The following PSMB2 variants were observed in gnomAD, a reference collection of about 807,000 sequenced individuals.
PSMB2 encodes the protein proteasome subunit beta type-2.
In PSMB2, 13 loss-of-function variants were observed where a neutral mutation model predicts 25.7. The observed-to-expected ratio is 0.51, with a 90% CI of 0.33 to 0.80. PSMB2 has a LOEUF of 0.80. PSMB2 is among the 30% of genes least tolerant of loss of function. The pLI, the probability that PSMB2 is intolerant of heterozygous loss-of-function variation, is 0.02. For missense variants in PSMB2, 202 were observed against 259.0 expected, an observed-to-expected ratio of 0.78 and a Z score of 1.51; for synonymous variants, 87 against 96.2, an observed-to-expected ratio of 0.90 and a Z score of 0.56.
At chr1:35,606,261 G>A (rs1404781061) in intron 4 of PSMB2, among the ~76,000 whole-genome samples, 2 of 152,110 alleles carry the variant, frequency 1.3e-5, no homozygotes, top group African/African-American at 4.8e-5. Context: ...GAAGTCAAAT[G>A]TCCCTATTTG....
In PSMB2 at chr1:35,600,777, G is replaced by A. The variant is rs1649969180; in HGVS notation, c.*2490C>T. ...TTGCAGGCTTGCCTGAGATTGCCCT[G>A]GGGACACTTACATTCAAAGGCAGAG... On this transcript the variant is annotated 3_prime_UTR_variant, in exon 6 of 6. Coordinates refer to ENST00000373237, the MANE Select transcript of PSMB2 (RefSeq NM_002794.5). 1 of 985,388 alleles carries A rather than the reference G, an allele frequency of 1.0e-6. No homozygotes were observed. Among genetic ancestry groups the A allele is most frequent in the African/African-American group, 1.7e-5 (1 of 57,340 alleles). 61.0% of individuals were successfully genotyped at this position (985,388 alleles called of 1,614,324 possible).
intron 4 of PSMB2, among the ~76,000 whole-genome samples, chr1:35,606,218 G>C (rs778817724): frequency 6.6e-6 from 1 of 152,112 alleles, no homozygotes; most frequent in Non-Finnish European, 1.5e-5. Context: ...CTTAGGCAAG[G>C]GGAGGAAATA....
At chr1:35,617,726 T>G (rs1650538336) in intron 3 of PSMB2, among the ~76,000 whole-genome samples, 2 of 152,210 alleles carry the variant, frequency 1.3e-5, no homozygotes, top group African/African-American at 4.8e-5. Flanking sequence ...ATGGAATGTC[T>G]GGATACTGGT....
At chr1:35,617,898 C>A (rs907660578) in intron 3 of PSMB2, among the ~76,000 whole-genome samples, 1 of 152,184 alleles carries the variant, frequency 6.6e-6, no homozygotes, top group African/African-American at 2.4e-5. Flanking sequence ...TCTGCTGATC[C>A]AAGCCTTTTT....
intron 3 of PSMB2, among the ~76,000 whole-genome samples, chr1:35,613,033 C>T (rs543294363): frequency 1.6e-4 from 25 of 152,350 alleles, no homozygotes; most frequent in African/African-American, 5.3e-4. Context: ...AGGCATCTGA[C>T]GCACACATAT....
At position 35,601,593 on chromosome 1, in the gene PSMB2, C is replaced by T. The variant is rs1338051947; in HGVS notation, c.*1674G>A. The T allele has an allele frequency of 1.0e-6, 1 of 984,948 alleles. No homozygotes were observed. Among genetic ancestry groups the T allele is most frequent in the Non-Finnish European group, 1.2e-6 (1 of 829,688 alleles). 61.0% of individuals were successfully genotyped at this position (984,948 alleles called of 1,614,324 possible). ...ATAAGACACCCAAATCTAATGTTAA[C>T]CCAATACTTTAATATGAACGTTATG... On this transcript the variant is annotated 3_prime_UTR_variant, in exon 6 of 6. Coordinates refer to ENST00000373237, the MANE Select transcript of PSMB2 (RefSeq NM_002794.5).
chr1:35,603,001 G>A lies in PSMB2; in HGVS notation c.*266C>T, dbSNP rs1650049152. ...AGCCAAGCATGGAGTAGAACGTGGG[G>A]CCGTCAGCTGCTAAAGGGTACTGAG... On this transcript the variant is annotated 3_prime_UTR_variant, in exon 6 of 6. Coordinates refer to ENST00000373237, the MANE Select transcript of PSMB2 (RefSeq NM_002794.5). 1.8e-6 allele frequency: 2 copies of A among 1,142,076 alleles called. No homozygotes were observed. Among genetic ancestry groups the A allele is most frequent in the Non-Finnish European group, 2.2e-6 (2 of 928,192 alleles). The allele number at this position is 1,142,076 out of a possible 1,614,324, so 70.7% of individuals were successfully genotyped here. A position where few individuals can be genotyped will look rare whatever the true frequency, so the allele number is the denominator to read the frequency against.
Position 35,636,166 on chromosome 1 carries a change from G to A in PSMB2, c.214+144C>T, listed in dbSNP as rs975104030. 1.7e-5 allele frequency: 17 copies of A among 990,724 alleles called. No individual in the cohort carries two copies. The East Asian group carries it at 2.8e-4, about 16-fold the overall frequency. The allele number at this position is 990,724 out of a possible 1,614,324, so 61.4% of individuals were successfully genotyped here. A position where few individuals can be genotyped will look rare whatever the true frequency, so the allele number is the denominator to read the frequency against. On this transcript the variant is annotated intron_variant, in intron 2 of 5. Transcript: ENST00000373237. ...AAGGAGAGAGGCCTCAGAAATCAAC[G>A]CTGCCAACACCTTAATCTTTGACTT... is the stretch of plus-strand genomic sequence containing the variant.
rs1035028106 is a variant in PSMB2, at chr1:35,601,317, CGCCTCGGCGGGCG to C, written c.*1937_*1949del. ...AACTCCTGACCTCAGGTGATCCGCC[CGCCTCGGCGGGCG>C]GCCAAAGTGCTGGGATTACAGGCAT... On this transcript the variant is annotated 3_prime_UTR_variant, in exon 6 of 6. Coordinates refer to ENST00000373237, the MANE Select transcript of PSMB2 (RefSeq NM_002794.5). 15 of 943,750 alleles carry C rather than the reference CGCCTCGGCGGGCG, an allele frequency of 1.6e-5. No homozygotes were observed. The highest frequency in any genetic ancestry group is 1.9e-5 in the Non-Finnish European group (15 of 792,482). 58.5% of individuals were successfully genotyped at this position (943,750 alleles called of 1,614,324 possible).
chr1:35,641,121 CAA>C (rs1203411704), intron 1 of PSMB2, among the ~76,000 whole-genome samples: 1 of 152,138 alleles, frequency 6.6e-6, no homozygotes, highest in African/African-American at 2.4e-5. Context: ...ACCCGGGAGA[CAA>C]AGACTGTGCT....
rs938400878 is a variant in PSMB2, at chr1:35,600,599, C to T, written c.*2668G>A. On this transcript the variant is annotated 3_prime_UTR_variant, in exon 6 of 6. Coordinates refer to ENST00000373237, the MANE Select transcript of PSMB2 (RefSeq NM_002794.5). ...TCTCTAAGACAGAATGTCATAGAGG[C>T]GGTTTGGAGAGGGGCAGATGGTAAG... 1.7e-5 allele frequency: 17 copies of T among 985,180 alleles called. No individual in the cohort carries two copies. The Admixed American group carries it at 7.4e-4, about 43-fold the overall frequency. 61.0% of individuals were successfully genotyped at this position (985,180 alleles called of 1,614,324 possible).
At position 35,631,306 on chromosome 1, in the gene PSMB2, G is replaced by A. The variant is rs368316488; in HGVS notation, c.253C>T (p.Arg85Cys). ...CGAAGACAGTCAGCCAGGTTTCGGC[G>A]TGTGAAGTTAGCTGCTGCCGTGGGA... ...LSPTAAANFT[R>C]RNLADCLRSR... The change falls in exon 3 of 6, where the codon CGC (arginine) becomes TGC (cysteine). Residue 85 changes from arginine (R) to cysteine (C), a missense_variant. Transcript: ENST00000373237. The A allele has an allele frequency of 6.8e-6, 11 of 1,614,010 alleles. No individual in the cohort carries two copies. Among genetic ancestry groups the A allele is most frequent in the East Asian group, 4.5e-5 (2 of 44,898 alleles).
intron 3 of PSMB2, among the ~76,000 whole-genome samples, chr1:35,624,063 C>A (rs1650776172): frequency 6.6e-6 from 1 of 152,130 alleles, no homozygotes; most frequent in African/African-American, 2.4e-5. Flanking sequence ...ACTAACCAGA[C>A]CAAACAGCCT....
chr1:35,634,776 T>G (rs1651198464), intron 2 of PSMB2, among the ~76,000 whole-genome samples: 1 of 148,860 alleles, frequency 6.7e-6, no homozygotes, highest in South Asian at 2.1e-4. Context: ...GGTGTTGGGT[T>G]TTTTTTTTTT....
At chr1:35,632,284 G>C (rs1191515331) in intron 2 of PSMB2, among the ~76,000 whole-genome samples, 1 of 152,172 alleles carries the variant, frequency 6.6e-6, no homozygotes, top group Non-Finnish European at 1.5e-5. Flanking sequence ...ATAGCATCAG[G>C]TGTGCATGTA....
chr1:35,634,117 C>T (rs1340487243), intron 2 of PSMB2, among the ~76,000 whole-genome samples: 1 of 152,200 alleles, frequency 6.6e-6, no homozygotes, highest in Non-Finnish European at 1.5e-5. Flanking sequence ...TCACAAAATA[C>T]TTCACAAAAG....
At chr1:35,635,586 T>C (rs1571143034) in intron 2 of PSMB2, among the ~76,000 whole-genome samples, 1 of 151,842 alleles carries the variant, frequency 6.6e-6, no homozygotes, top group East Asian at 1.9e-4. Flanking sequence ...ATCCCAGCAC[T>C]TTGGGAGGCC....
chr1:35,641,193 AAAAT>A (rs1339274913), intron 1 of PSMB2, 145 bp downstream of exon 1: 87 of 1,082,848 alleles, frequency 8.0e-5, no homozygotes, highest in Middle Eastern at 3.1e-4. Context: ...CCCTCTCGAA[AAAAT>A]AAATAAATAA....
At chr1:35,630,557 C>T (rs514651) in intron 3 of PSMB2, among the ~76,000 whole-genome samples, 152,074 of 152,358 alleles carry the variant, frequency 1, 75,899 homozygotes, top group Middle Eastern at 1. Context: ...TAACCTTAAA[C>T]GTGTATTACC....
Sources: allele counts gnomAD v4.1 joint callset (sites outside exome capture counted in the v4.1 genomes callset), GRCh38; gene constraint gnomAD v4.1.1; transcripts MANE v1.5; gene names NCBI Gene and HGNC (gene_info 2026-07-23, HGNC 2026-07-21).